The following MAGI2 variants were observed in gnomAD, a reference collection of about 807,000 sequenced individuals.
The protein encoded by MAGI2 is membrane-associated guanylate kinase, WW and PDZ domain-containing protein 2.
A neutral mutation model predicts 133.3 loss-of-function variants in MAGI2; 35 were observed. The observed-to-expected ratio is 0.26, with a 90% confidence interval of 0.20 to 0.35. The LOEUF (loss-of-function observed/expected upper bound fraction) is 0.35, where lower values mean the gene tolerates loss of function less well. Among genes scored for constraint, MAGI2 ranks in the 10% least tolerant of loss-of-function variants. The probability of loss-of-function intolerance (pLI) is 1.00; values close to 1 mark genes in which losing one functional copy is unlikely to be tolerated. For missense variants in MAGI2, 1,636 were observed against 1,863.4 expected (o/e 0.88, Z 2.25); for synonymous variants, 729 against 710.6 (o/e 1.03, Z -0.41).
At chr7:78,342,979 A>T (rs115006253) in intron 9 of MAGI2, among the ~76,000 whole-genome samples, 1,969 of 152,290 alleles carry the variant, frequency 0.013, 55 homozygotes, top group African/African-American at 0.045. Context: ...TACACTATAC[A>T]AATCTTGAAT....
chr7:78,482,915 ACACACACACG>A lies in MAGI2; in HGVS notation c.1045+6836_1045+6845del, dbSNP rs1203882866. On this transcript the variant is annotated intron_variant, in intron 6 of 21. Transcript: ENST00000354212. ...CACACACACACACACACACACACACACACACACACGAGTACTTGTATACCTGGCAAAATAT... is the reference window on the plus strand; with the variant it reads ...CACACACACACACACACACACACACAAGTACTTGTATACCTGGCAAAATAT... Among the ~76,000 whole-genome samples the A allele has an allele frequency of 6.9e-3, 1,002 of 145,222 alleles. 12 individuals carry two copies. The highest frequency in any genetic ancestry group is 0.026 in the African/African-American group (925 of 36,230).
chr7:78,502,849 G>A (rs1462230802), intron 4 of MAGI2, among the ~76,000 whole-genome samples: 2 of 152,220 alleles, frequency 1.3e-5, no homozygotes, highest in East Asian at 1.9e-4. Flanking sequence ...AAGAAGGAAC[G>A]CACAAGGAAG....
intron 3 of MAGI2, among the ~76,000 whole-genome samples, chr7:78,564,983 C>G (rs1162926821): frequency 2.0e-5 from 3 of 151,162 alleles, no homozygotes; most frequent in Non-Finnish European, 4.4e-5. Flanking sequence ...TTAGTAGAGA[C>G]GGGGTTTCAT....
chr7:79,326,313 TAACCATAATTATA>T (rs1326913812), intron 1 of MAGI2, among the ~76,000 whole-genome samples: 1 of 152,188 alleles, frequency 6.6e-6, no homozygotes, highest in Non-Finnish European at 1.5e-5. Flanking sequence ...TCATTGTTCA[TAACCATAATTATA>T]AACCTGGCTT....
chr7:78,773,771 A>G (rs1825773368), intron 2 of MAGI2, among the ~76,000 whole-genome samples: 1 of 152,158 alleles, frequency 6.6e-6, no homozygotes, highest in South Asian at 2.1e-4. Flanking sequence ...ACACGAACAA[A>G]CCTAAAGGGC....
In MAGI2 at chr7:78,666,656, C is replaced by A. The variant is rs148633103; in HGVS notation, c.419-39417G>T. Among the ~76,000 whole-genome samples the A allele has an allele frequency of 1.1e-4, 17 of 152,282 alleles. No individual in the cohort carries two copies. In the East Asian group the frequency reaches 3.3e-3, roughly 29 times the overall value. ...GACTTGATGATACCTGGTAGCTTCACAGGGATCATCCAAAGTATGAGGGAA... is the reference window on the plus strand; with the variant it reads ...GACTTGATGATACCTGGTAGCTTCAAAGGGATCATCCAAAGTATGAGGGAA... On this transcript the variant is annotated intron_variant, in intron 2 of 21. Transcript: ENST00000354212.
At chr7:78,047,948 G>A (rs1191304177) in intron 21 of MAGI2, among the ~76,000 whole-genome samples, 1 of 152,196 alleles carries the variant, frequency 6.6e-6, no homozygotes, top group East Asian at 1.9e-4. Context: ...TCCTTGATAA[G>A]CTCACAGAGA....
At chr7:79,031,301 C>T (rs774252085) in intron 1 of MAGI2, among the ~76,000 whole-genome samples, 3 of 149,458 alleles carry the variant, frequency 2.0e-5, no homozygotes, top group Non-Finnish European at 3.0e-5. Context: ...TTATTGTCAT[C>T]ATCCCCTACA....
chr7:78,932,429 C>A (rs1186255272), intron 2 of MAGI2, among the ~76,000 whole-genome samples: 1 of 151,706 alleles, frequency 6.6e-6, no homozygotes, highest in African/African-American at 2.4e-5. Flanking sequence ...GTTAGAGTGA[C>A]CGCCATATGT....
At chr7:78,414,760 G>T (rs1798154507) in intron 6 of MAGI2, among the ~76,000 whole-genome samples, 1 of 151,934 alleles carries the variant, frequency 6.6e-6, no homozygotes, top group Non-Finnish European at 1.5e-5. Context: ...CCTGGGTTTG[G>T]TGAAAAAGTG....
chr7:78,043,220 A>G (rs565551244), intron 21 of MAGI2, among the ~76,000 whole-genome samples: 1 of 152,368 alleles, frequency 6.6e-6, no homozygotes, highest in African/African-American at 2.4e-5. Flanking sequence ...ACACCTGACA[A>G]GAAGAGGCTT....
intron 1 of MAGI2, among the ~76,000 whole-genome samples, chr7:79,428,133 A>G (rs1055838388): frequency 1.3e-5 from 2 of 152,174 alleles, no homozygotes; most frequent in African/African-American, 2.4e-5. Context: ...TAAAGGAAGA[A>G]GTAGGGCATA....
intron 3 of MAGI2, among the ~76,000 whole-genome samples, chr7:78,568,792 G>GAA (rs113385342): frequency 1.3e-5 from 2 of 149,994 alleles, no homozygotes; most frequent in African/African-American, 4.9e-5. Context: ...TAATAAAGCT[G>GAA]AAAAAAAAAC....
chr7:78,545,799 G>C (rs1039218550), intron 3 of MAGI2, among the ~76,000 whole-genome samples: 12 of 152,016 alleles, frequency 7.9e-5, no homozygotes, highest in African/African-American at 2.9e-4. Flanking sequence ...TGATTAACTG[G>C]AATTTATTTA....
intron 3 of MAGI2, among the ~76,000 whole-genome samples, chr7:78,626,654 T>G (rs1326685102): frequency 6.6e-6 from 1 of 152,018 alleles, no homozygotes; most frequent in Non-Finnish European, 1.5e-5. Context: ...CATAATTTCG[T>G]GTAGGAGGAA....
intron 2 of MAGI2, among the ~76,000 whole-genome samples, chr7:78,722,447 G>T (rs1820357285): frequency 6.6e-6 from 1 of 151,904 alleles, no homozygotes; most frequent in African/African-American, 2.4e-5. Context: ...AATTTTGAGG[G>T]TATATTCATA....
chr7:78,200,866 A>G (rs956945100), intron 11 of MAGI2, among the ~76,000 whole-genome samples: 1 of 152,200 alleles, frequency 6.6e-6, no homozygotes, highest in East Asian at 1.9e-4. Context: ...TGTGGACAGG[A>G]GAAAAACAAA....
chr7:78,821,454 G>A (rs925019024), intron 2 of MAGI2, among the ~76,000 whole-genome samples: 5 of 151,932 alleles, frequency 3.3e-5, no homozygotes, highest in Non-Finnish European at 5.9e-5. Context: ...AGAATGAGGG[G>A]CTATTTTAGA....
chr7:79,053,074 G>A (rs1036039122), intron 1 of MAGI2, among the ~76,000 whole-genome samples: 6 of 151,990 alleles, frequency 3.9e-5, no homozygotes, highest in South Asian at 2.1e-4. Flanking sequence ...CCGGGTTCAC[G>A]CCATTCTCCT....
Sources: gnomAD v4.1 joint callset for allele counts (sites outside exome capture counted in the v4.1 genomes callset) on GRCh38, gnomAD v4.1.1 for gene constraint, MANE v1.5 for transcripts, NCBI Gene and HGNC (gene_info 2026-07-23, HGNC 2026-07-21) for gene names.